The following NCKAP5 variants were observed in gnomAD, a reference collection of about 807,000 sequenced individuals.
NCKAP5 encodes the protein nck-associated protein 5.
In NCKAP5, 92 loss-of-function variants were observed where a neutral mutation model predicts 167.0. That is an observed-to-expected ratio of 0.55 (90% confidence interval 0.47 to 0.66). The LOEUF is 0.66. Ranked by LOEUF, NCKAP5 falls within the 30% of genes least tolerant of loss-of-function variation. The probability of loss-of-function intolerance (pLI) is 0.00; values close to 1 mark genes in which losing one functional copy is unlikely to be tolerated. For synonymous variants in NCKAP5, 891 were observed against 877.4 expected (o/e 1.02, Z -0.27); for missense variants, 2,378 against 2,315.0 (o/e 1.03, Z -0.56).
At chr2:132,692,895 C>A (rs1686908187) in intron 19 of NCKAP5, among the ~76,000 whole-genome samples, 1 of 152,180 alleles carries the variant, frequency 6.6e-6, no homozygotes, top group South Asian at 2.1e-4. Flanking sequence ...TACCTATGTT[C>A]AGTGCACTTG....
intron 16 of NCKAP5, among the ~76,000 whole-genome samples, chr2:132,768,750 C>T (rs1264913799): frequency 6.6e-6 from 1 of 151,174 alleles, no homozygotes; most frequent in Admixed American, 6.6e-5. Context: ...CGCCATTCTC[C>T]TGCCTCAGCC....
chr2:132,994,187 T>C lies in NCKAP5; in HGVS notation c.394A>G (p.Lys132Glu), dbSNP rs199916535. The change falls in exon 7 of 20, where the codon AAA becomes GAA. Residue 132 changes from lysine (K) to glutamate (E), a missense_variant. This residue lies in a region of NCKAP5 where 1,049 missense variants were observed against 1,023.4 expected (regional missense o/e 1.02). Coordinates refer to ENST00000409261, the MANE Select transcript of NCKAP5 (RefSeq NM_207363.3). ...LLQSQGSPEQKKEETVNIMVY... is the reference protein window; with the variant it reads ...LLQSQGSPEQEKEETVNIMVY... ...ATTATATTAACAGTTTCTTCTTTTT[T>C]CTGCTCTGGAGATCCTTGACTCTGC... The C allele has an allele frequency of 5.7e-6, 9 of 1,591,126 alleles. No homozygotes were observed. In the African/African-American group the frequency reaches 1.1e-4, roughly 19 times the overall value.
intron 6 of NCKAP5, among the ~76,000 whole-genome samples, chr2:133,115,897 T>C (rs893899474): frequency 2.7e-5 from 4 of 149,768 alleles, no homozygotes; most frequent in Non-Finnish European, 5.9e-5. Context: ...GGTGATTGAT[T>C]ATTTTGTTTT....
chr2:133,615,164 A>G, the NCKAP5 span, among the ~76,000 whole-genome samples: 1 of 152,164 alleles, frequency 6.6e-6, no homozygotes, highest in African/African-American at 2.4e-5. Flanking sequence ...AAACATGGAA[A>G]GGAAAAACCG....
At chr2:132,861,631 CT>C (rs1689921153) in intron 10 of NCKAP5, among the ~76,000 whole-genome samples, 1 of 152,052 alleles carries the variant, frequency 6.6e-6, no homozygotes, top group Admixed American at 6.6e-5. Context: ...TCTTATCCAC[CT>C]TCTTCTTTCA....
At chr2:133,533,179 C>A (rs1326117652) in intron 2 of NCKAP5, among the ~76,000 whole-genome samples, 5 of 152,174 alleles carry the variant, frequency 3.3e-5, no homozygotes, top group African/African-American at 1.2e-4. Flanking sequence ...AACGTAAATG[C>A]GTGAAGCCGC....
rs540410369 is a variant in NCKAP5 at position 133,424,529 on chromosome 2, G to C, written c.69+92929C>G. The stretch of plus-strand genomic sequence containing the variant: ...CCAGGCTTAATAGATGAGTTTTCAA[G>C]GTGAGTAAAAATTGTGATGTGAAAA... On this transcript the variant is annotated intron_variant, in intron 3 of 19. Coordinates refer to ENST00000409261, the MANE Select transcript of NCKAP5 (RefSeq NM_207363.3). Among the ~76,000 whole-genome samples, 6 of 152,284 alleles carry C rather than the reference G, an allele frequency of 3.9e-5. 1 individual carries two copies. In the South Asian group the frequency reaches 1.2e-3, roughly 32 times the overall value.
chr2:132,875,346 C>T (rs764470972), intron 9 of NCKAP5, among the ~76,000 whole-genome samples: 2 of 152,174 alleles, frequency 1.3e-5, no homozygotes, highest in Non-Finnish European at 2.9e-5. Flanking sequence ...TCCAATTCTG[C>T]CCCCTCCTCT....
chr2:132,789,109 T>G (rs1267424966), intron 13 of NCKAP5, among the ~76,000 whole-genome samples: 1 of 152,158 alleles, frequency 6.6e-6, no homozygotes, highest in African/African-American at 2.4e-5. Context: ...CAAAAGCTAC[T>G]GTAATTGGAA....
intron 3 of NCKAP5, among the ~76,000 whole-genome samples, chr2:133,432,464 G>A (rs1385037277): frequency 6.6e-6 from 1 of 152,124 alleles, no homozygotes; most frequent in Non-Finnish European, 1.5e-5. Context: ...CCACCCAAAT[G>A]CTCCCAGTGC....
chr2:133,576,387 G>T, the NCKAP5 span, among the ~76,000 whole-genome samples: 2 of 152,058 alleles, frequency 1.3e-5, no homozygotes, highest in Non-Finnish European at 2.9e-5. Flanking sequence ...AAGCTTGAAG[G>T]GTACATGAAT....
intron 11 of NCKAP5, among the ~76,000 whole-genome samples, chr2:132,845,473 T>A (rs1025164519): frequency 6.6e-6 from 1 of 152,174 alleles, no homozygotes; most frequent in Admixed American, 6.5e-5. Context: ...TTTCCTTATG[T>A]GAGATAGGGC....
the NCKAP5 span, among the ~76,000 whole-genome samples, chr2:133,591,099 A>G: frequency 1.3e-5 from 2 of 152,170 alleles, no homozygotes; most frequent in Non-Finnish European, 2.9e-5. Flanking sequence ...TCCACACTGC[A>G]GAGAAGCTGT....
At chr2:133,494,245 G>A (rs1199125990) in intron 3 of NCKAP5, among the ~76,000 whole-genome samples, 1 of 152,046 alleles carries the variant, frequency 6.6e-6, no homozygotes, top group Non-Finnish European at 1.5e-5. Context: ...AACCATACAG[G>A]CTTACCAACA....
At chr2:133,397,500 T>C (rs1411248691) in intron 3 of NCKAP5, among the ~76,000 whole-genome samples, 1 of 152,242 alleles carries the variant, frequency 6.6e-6, no homozygotes, top group African/African-American at 2.4e-5. Flanking sequence ...CCCAGACTGT[T>C]CTTTCTCATT....
intron 16 of NCKAP5, among the ~76,000 whole-genome samples, chr2:132,759,880 C>G (rs752100663): frequency 7.9e-5 from 12 of 151,468 alleles, no homozygotes; most frequent in Admixed American, 3.3e-4. Context: ...CTGTATTTTT[C>G]TTTTTTTTCA....
At chr2:133,193,868 A>ATTCC (rs2085330441) in intron 5 of NCKAP5, among the ~76,000 whole-genome samples, 2 of 152,138 alleles carry the variant, frequency 1.3e-5, no homozygotes, top group Admixed American at 1.3e-4. Flanking sequence ...ATATTTTAAA[A>ATTCC]GACTGTTTCT....
At chr2:132,903,693 T>C (rs1351298151) in intron 8 of NCKAP5, among the ~76,000 whole-genome samples, 1 of 149,040 alleles carries the variant, frequency 6.7e-6, no homozygotes, top group Non-Finnish European at 1.5e-5. Flanking sequence ...GCAAATAATG[T>C]CTATCTTTTG....
At chr2:133,160,438 TC>T (rs58682369) in intron 5 of NCKAP5, among the ~76,000 whole-genome samples, 11,464 of 116,174 alleles carry the variant, frequency 0.099, 851 homozygotes, top group African/African-American at 0.26. Flanking sequence ...CCTTTCTTTT[TC>T]TTTTTTTTTT....
Sources: gnomAD v4.1 joint callset for allele counts (sites outside exome capture counted in the v4.1 genomes callset) on GRCh38, gnomAD v4.1.1 for gene constraint, gnomAD v4.1.1 regional missense constraint, MANE v1.5 for transcripts, NCBI Gene and HGNC (gene_info 2026-07-23, HGNC 2026-07-21) for gene names.